Variants in CFAP54 observed in about 807,000 individuals in gnomAD.
CFAP54 encodes the protein cilia- and flagella-associated protein 54.
A neutral mutation model predicts 370.4 loss-of-function variants in CFAP54; 290 were observed. The observed-to-expected ratio is 0.78, with a 90% CI of 0.71 to 0.86. The LOEUF (loss-of-function observed/expected upper bound fraction) is 0.86. Ranked by LOEUF, CFAP54 falls within the 40% of genes least tolerant of loss-of-function variation. The probability of loss-of-function intolerance (pLI) is 0.00; values close to 1 mark genes in which losing one functional copy is unlikely to be tolerated. For missense variants in CFAP54, 3,399 were observed against 3,528.7 expected (o/e 0.96, Z 0.93); for synonymous variants, 1,206 against 1,236.5 (o/e 0.98, Z 0.52).
At chr12:96,683,260 A>G (rs1460166465) in intron 40 of CFAP54, among the ~76,000 whole-genome samples, 2 of 152,248 alleles carry the variant, frequency 1.3e-5, no homozygotes, top group East Asian at 3.8e-4. Context: ...TCAGATGCTT[A>G]TATCCTGGAT....
At chr12:96,786,311 G>C (rs1958628433) in intron 61 of CFAP54, among the ~76,000 whole-genome samples, 1 of 151,558 alleles carries the variant, frequency 6.6e-6, no homozygotes, top group Admixed American at 6.6e-5. Context: ...CTTCTGAGTA[G>C]CTGGGATTAC....
chr12:96,664,718 T>G (rs1279745545), intron 39 of CFAP54, among the ~76,000 whole-genome samples: 1 of 6,386 alleles, frequency 1.6e-4, no homozygotes, highest in Admixed American at 1.7e-3. Context: ...TATATATCTA[T>G]ATATATCTAT....
chr12:96,813,675 G>A (rs1256283644), intron 64 of CFAP54, among the ~76,000 whole-genome samples: 3 of 152,194 alleles, frequency 2.0e-5, no homozygotes, highest in African/African-American at 7.2e-5. Context: ...CTTGCCTACT[G>A]TCTCTGCCTT....
At chr12:96,833,258 G>A (rs1959176191) in intron 66 of CFAP54, among the ~76,000 whole-genome samples, 1 of 152,134 alleles carries the variant, frequency 6.6e-6, no homozygotes, top group African/African-American at 2.4e-5. Context: ...TGTCAGGTAG[G>A]ATTCAAACAT....
At chr12:96,791,893 A>C (rs1244906864) in intron 62 of CFAP54, among the ~76,000 whole-genome samples, 2 of 144,584 alleles carry the variant, frequency 1.4e-5, no homozygotes, top group Admixed American at 1.4e-4. Context: ...CCTCTCGCCC[A>C]ATCTGGAGTG....
intron 26 of CFAP54, 106 bp from the exon 27 acceptor site, chr12:96,621,484 A>T: frequency 1.3e-6 from 1 of 755,794 alleles, no homozygotes; most frequent in Non-Finnish European, 1.9e-6. Flanking sequence ...GGGGATTCTT[A>T]GACTGAAAAC....
At chr12:96,558,819 CA>C (rs1305959876) in intron 17 of CFAP54, among the ~76,000 whole-genome samples, 4 of 152,094 alleles carry the variant, frequency 2.6e-5, no homozygotes, top group Non-Finnish European at 5.9e-5. Context: ...TTGGTCTGGG[CA>C]AAAATTTCTT....
intron 40 of CFAP54, among the ~76,000 whole-genome samples, chr12:96,684,424 A>G (rs936784953): frequency 5.3e-5 from 8 of 152,110 alleles, no homozygotes; most frequent in African/African-American, 1.9e-4. Context: ...ATGCCCCATT[A>G]TTACTATCTG....
At chr12:96,765,946 T>C (rs1323195046) in intron 60 of CFAP54, among the ~76,000 whole-genome samples, 2 of 152,334 alleles carry the variant, frequency 1.3e-5, no homozygotes, top group East Asian at 3.9e-4. Context: ...GTGCTTCTTG[T>C]GTGCTAAGCA....
intron 50 of CFAP54, among the ~76,000 whole-genome samples, chr12:96,728,982 T>C (rs1386583302): frequency 6.6e-6 from 1 of 152,206 alleles, no homozygotes; most frequent in South Asian, 2.1e-4. Flanking sequence ...GCGGTGTCTG[T>C]AGAACCGCGG....
At chr12:96,631,317 T>G (rs1358739681) in intron 32 of CFAP54, among the ~76,000 whole-genome samples, 1 of 151,910 alleles carries the variant, frequency 6.6e-6, no homozygotes, top group Non-Finnish European at 1.5e-5. Context: ...GAAATCCCTG[T>G]GTACCCGTGT....
intron 45 of CFAP54, among the ~76,000 whole-genome samples, chr12:96,699,444 A>G (rs776326322): frequency 4.1e-4 from 62 of 152,104 alleles, no homozygotes; most frequent in Non-Finnish European, 7.4e-4. Flanking sequence ...ATGACATGCA[A>G]TTTACCTATG....
At chr12:96,842,594 T>A (rs1959230992) in intron 66 of CFAP54, among the ~76,000 whole-genome samples, 1 of 152,110 alleles carries the variant, frequency 6.6e-6, no homozygotes. Context: ...ATCCTTTTGA[T>A]GAACAAAAAA....
Position 96,725,877 on chromosome 12 carries a change from T to C in CFAP54, c.6965+5312T>C, listed in dbSNP as rs2136617676. On this transcript the variant is annotated intron_variant, in intron 50 of 67. Transcript: ENST00000524981. The stretch of plus-strand genomic sequence containing the variant: ...CAATACCTAATTTATTGAGAGTTTT[T>C]AGCATGAAGGGTTGTTGAATTTTGT... 2.0e-5 allele frequency among the ~76,000 whole-genome samples: 3 copies of C among 151,632 alleles called. No homozygotes were observed. The South Asian group carries it at 6.3e-4, about 32-fold the overall frequency.
At chr12:96,614,605 G>C (rs76345996) in intron 26 of CFAP54, among the ~76,000 whole-genome samples, 2 of 152,132 alleles carry the variant, frequency 1.3e-5, no homozygotes, top group Non-Finnish European at 2.9e-5. Context: ...GATTGTATAT[G>C]TAGAAAACCT....
intron 67 of CFAP54, among the ~76,000 whole-genome samples, chr12:96,863,348 C>T (rs191406563): frequency 6.6e-6 from 1 of 152,310 alleles, no homozygotes; most frequent in East Asian, 1.9e-4. Context: ...TGCTTCAGTG[C>T]ATTTTCTCCC....
At chr12:96,531,839 C>T (rs1462077520) in intron 9 of CFAP54, among the ~76,000 whole-genome samples, 1 of 152,210 alleles carries the variant, frequency 6.6e-6, no homozygotes, top group Non-Finnish European at 1.5e-5. Context: ...ATTCTCCTGC[C>T]TCAGCCTCCC....
At chr12:96,681,763 C>T (rs1323694464) in intron 40 of CFAP54, among the ~76,000 whole-genome samples, 11 of 152,064 alleles carry the variant, frequency 7.2e-5, no homozygotes, top group South Asian at 2.1e-4. Flanking sequence ...CCACCACGCC[C>T]GGCTAATTTA....
At chr12:96,860,134 A>ATTTTTTTTTTTTTTTTT (rs137937553) in intron 66 of CFAP54, among the ~76,000 whole-genome samples, 1 of 127,990 alleles carries the variant, frequency 7.8e-6, no homozygotes. Context: ...TTGTTCTCTA[A>ATTTTTTTTTTTTTTTTT]TTTTTTTTTT....
Sources: gnomAD v4.1 joint callset for allele counts (sites outside exome capture counted in the v4.1 genomes callset) on GRCh38, gnomAD v4.1.1 for gene constraint, MANE v1.5 for transcripts, NCBI Gene and HGNC (gene_info 2026-07-23, HGNC 2026-07-21) for gene names.